The following TCF3 variants were observed in gnomAD, a reference collection of about 807,000 sequenced individuals.
The protein encoded by TCF3 is transcription factor 3.
A neutral mutation model predicts 72.3 loss-of-function variants in TCF3; 54 were observed. The ratio of observed to expected loss-of-function variants is 0.75; its 90% CI spans 0.60 to 0.94. TCF3 has a LOEUF of 0.94. Ranked by LOEUF, TCF3 falls within the 40% of genes least tolerant of loss-of-function variation. TCF3 has a pLI of 0.00. For synonymous variants in TCF3, 525 were observed against 412.6 expected, an observed-to-expected ratio of 1.27 and a Z score of -3.30; for missense variants, 1,078 against 934.4, an observed-to-expected ratio of 1.15 and a Z score of -2.00.
chr19:1,646,401 C>G lies in TCF3; in HGVS notation c.99G>C (p.Gly33=). The G allele has an allele frequency of 6.5e-7, 1 of 1,550,318 alleles. No individual in the cohort carries two copies. The highest frequency in any genetic ancestry group is 8.7e-7 in the Non-Finnish European group (1 of 1,146,728). The part of the protein sequence containing the change: ...SMMFPLPVTN[G]KGRPASLAGA... ...CGGCCAGGGAGGCGGGCCGGCCCTT[C>G]CCGTTGGTGACAGGCAGCGGGAACA... is the stretch of plus-strand genomic sequence containing the variant. The change falls in exon 3 of 19, where the codon GGG becomes GGC. Residue 33 remains glycine (G), a synonymous_variant. Coordinates refer to ENST00000262965, the MANE Select transcript of TCF3 (RefSeq NM_003200.5).
In TCF3 at chr19:1,625,687, G is replaced by T; in HGVS notation, c.388C>A (p.Leu130Met). The T allele has an allele frequency of 6.6e-7, 1 of 1,519,298 alleles. No homozygotes were observed. Among genetic ancestry groups the T allele is most frequent in the Non-Finnish European group, 8.8e-7 (1 of 1,139,760 alleles). 94.1% of individuals were successfully genotyped at this position (1,519,298 alleles called of 1,614,324 possible). A position where few individuals can be genotyped will look rare whatever the true frequency, so the allele number is the denominator to read the frequency against. The change falls in exon 7 of 19, where the codon CTG becomes ATG. Residue 130 changes from leucine (L) to methionine (M), a missense_variant. Leu to Met is a conservative substitution (Grantham distance 15). Transcript: ENST00000262965. ...LTQAGFLSGE[L>M]ALNSPGPLSP... Reference sequence around the variant, plus strand: ...AGGGGCCCGGGGCTGTTGAGGGCCAGCTCGCCTGACAGGAAGCCAGCCTGG... The same window carrying T: ...AGGGGCCCGGGGCTGTTGAGGGCCATCTCGCCTGACAGGAAGCCAGCCTGG...
rs539885920 is a variant in TCF3 at position 1,614,181 on chromosome 19, T to C, written c.1822+1104A>G. On this transcript the variant is annotated intron_variant, in intron 18 of 18. Coordinates refer to ENST00000262965, the MANE Select transcript of TCF3 (RefSeq NM_003200.5). The surrounding 1 kb of genome is among the most constrained non-coding windows in gnomAD (Gnocchi z 5.6). The stretch of plus-strand genomic sequence containing the variant: ...ATGCCTGGTGCCCTGTCTTAGTCTC[T>C]AGGGGGCTGCCTCACCCACTTGCCT... Among the ~76,000 whole-genome samples, 99 of 152,312 alleles carry C rather than the reference T, an allele frequency of 6.5e-4. No homozygotes were observed. Among genetic ancestry groups the C allele is most frequent in the African/African-American group, 2.3e-3 (94 of 41,566 alleles).
chr19:1,642,027 A>G (rs891005843), intron 3 of TCF3, among the ~76,000 whole-genome samples: 2 of 152,142 alleles, frequency 1.3e-5, no homozygotes, highest in African/African-American at 4.8e-5. Flanking sequence ...TCTGGACAAC[A>G]GAGTGAGACC....
intron 6 of TCF3, 98 bp from the exon 7 acceptor site, chr19:1,625,806 C>G: frequency 7.3e-7 from 1 of 1,378,826 alleles, no homozygotes; most frequent in African/African-American, 1.5e-5. Flanking sequence ...CCACTCAGAC[C>G]CGCCCTGCAG....
chr19:1,624,494 G>C (rs535788541), intron 7 of TCF3, among the ~76,000 whole-genome samples: 1 of 152,312 alleles, frequency 6.6e-6, no homozygotes, highest in East Asian at 1.9e-4. Flanking sequence ...CTCCCGCGAC[G>C]CGCAGTTTGG....
intron 2 of TCF3, 75 bp downstream of exon 2, chr19:1,650,102 A>G: frequency 1.4e-6 from 2 of 1,387,038 alleles, no homozygotes; most frequent in Non-Finnish European, 2.0e-6. Flanking sequence ...TTCAGCAAAC[A>G]CTCTCCCCTG....
intron 16 of TCF3, among the ~76,000 whole-genome samples, chr19:1,617,012 C>G (rs549315584): frequency 6.6e-6 from 1 of 152,248 alleles, no homozygotes; most frequent in African/African-American, 2.4e-5. Flanking sequence ...ACAAGGAAAC[C>G]ACATGGCTAG....
chr19:1,613,216 T>C (rs1487817315), intron 18 of TCF3, among the ~76,000 whole-genome samples: 1 of 152,150 alleles, frequency 6.6e-6, no homozygotes, highest in Non-Finnish European at 1.5e-5. Flanking sequence ...ATGTGCTCCC[T>C]GGAATGCAGC....
At chr19:1,619,271 C>T (rs367972083) in intron 15 of TCF3, 37 bp from the exon 16 acceptor site, 133 of 1,570,248 alleles carry the variant, frequency 8.5e-5, no homozygotes, top group South Asian at 2.8e-4. Context: ...CAGGGGGAGC[C>T]GGGTCCCCGC....
intron 3 of TCF3, among the ~76,000 whole-genome samples, chr19:1,642,806 G>A (rs1600067767): frequency 6.6e-6 from 1 of 152,042 alleles, no homozygotes; most frequent in South Asian, 2.1e-4. Context: ...AAGCATCCAG[G>A]GACCCAGCAA....
chr19:1,632,295 G>A, intron 4 of TCF3, 37 bp downstream of exon 4: 1 of 1,562,956 alleles, frequency 6.4e-7, no homozygotes, highest in Non-Finnish European at 8.7e-7. Context: ...TCTGGGGACA[G>A]GAAACTCAGG....
intron 3 of TCF3, among the ~76,000 whole-genome samples, chr19:1,640,887 G>A (rs889569333): frequency 1.3e-5 from 2 of 150,174 alleles, no homozygotes; most frequent in Admixed American, 6.6e-5. Context: ...GGTGGTTCAC[G>A]CCTGTAATCC....
rs1467471665 is a variant in TCF3, at chr19:1,652,513, G to T, written c.-253C>A. 1 of 143,650 alleles carries T rather than the reference G, an allele frequency of 7.0e-6. No individual in the cohort carries two copies. Among genetic ancestry groups the T allele is most frequent in the Non-Finnish European group, 1.5e-5 (1 of 64,922 alleles). The allele number at this position is 143,650 out of a possible 1,614,324, so 8.9% of individuals were successfully genotyped here. A position where few individuals can be genotyped will look rare whatever the true frequency, so the allele number is the denominator to read the frequency against. The stretch of plus-strand genomic sequence containing the variant: ...CCGGCCGGGGCGCCCCTGGGGCAGC[G>T]GCGTGCGCGGTGCCCGCGGTGCCCG... On this transcript the variant is annotated 5_prime_UTR_variant, in exon 1 of 19. Coordinates refer to ENST00000262965, the MANE Select transcript of TCF3 (RefSeq NM_003200.5).
At chr19:1,641,282 A>G (rs2065204636) in intron 3 of TCF3, among the ~76,000 whole-genome samples, 1 of 152,158 alleles carries the variant, frequency 6.6e-6, no homozygotes, top group Non-Finnish European at 1.5e-5. Context: ...TAATCTCAGA[A>G]GGTTGCAAAC....
intron 1 of TCF3, chr19:1,650,661 G>C (rs540988322): frequency 4.1e-6 from 1 of 242,338 alleles, no homozygotes; most frequent in Non-Finnish European, 8.0e-6. Flanking sequence ...AACCAACCCC[G>C]GGCTTCCTCT....
intron 3 of TCF3, among the ~76,000 whole-genome samples, chr19:1,632,716 C>T (rs903363806): frequency 5.3e-5 from 8 of 152,202 alleles, no homozygotes; most frequent in African/African-American, 1.4e-4. Flanking sequence ...CTCACTCTCA[C>T]GCCGAGCCTC....
intron 12 of TCF3, 37 bp from the exon 13 acceptor site, chr19:1,621,083 C>T (rs1277327471): frequency 2.0e-6 from 3 of 1,518,368 alleles, no homozygotes; most frequent in Non-Finnish European, 2.7e-6. Flanking sequence ...CGGTCAGGGG[C>T]CGGCCTCTCA....
intron 5 of TCF3, 145 bp from the exon 6 acceptor site, chr19:1,627,571 C>T (rs112356641): frequency 1.4e-6 from 1 of 706,424 alleles, no homozygotes; most frequent in Non-Finnish European, 2.4e-6. Flanking sequence ...AGAGCCTGAC[C>T]CCAGTGTGCC....
At position 1,614,174 on chromosome 19, in the gene TCF3, T is replaced by TA. The variant is rs1168238301; in HGVS notation, c.1822+1110dup. Among the ~76,000 whole-genome samples, 5 of 152,196 alleles carry TA rather than the reference T, an allele frequency of 3.3e-5. No individual in the cohort carries two copies. The highest frequency in any genetic ancestry group is 7.2e-5 in the African/African-American group (3 of 41,448). The stretch of plus-strand genomic sequence containing the variant: ...GCCCAGCATGCCTGGTGCCCTGTCT[T>TA]AGTCTCTAGGGGGCTGCCTCACCCA... On this transcript the variant is annotated intron_variant, in intron 18 of 18. Coordinates refer to ENST00000262965, the MANE Select transcript of TCF3 (RefSeq NM_003200.5). This position sits in a 1 kb window ranked among gnomAD's most constrained non-coding sequence, Gnocchi z 5.6.
Sources: allele counts gnomAD v4.1 joint callset (sites outside exome capture counted in the v4.1 genomes callset), GRCh38; gene constraint gnomAD v4.1.1; non-coding constraint Gnocchi (gnomAD v3.1); transcripts MANE v1.5; gene names NCBI Gene and HGNC (gene_info 2026-07-23, HGNC 2026-07-21).